Variants in NCOR1 observed in about 807,000 individuals in gnomAD.
NCOR1 encodes protein phosphatase 1, regulatory subunit 109.
A neutral mutation model predicts 288.1 loss-of-function variants in NCOR1; 63 were observed. That is an observed-to-expected ratio of 0.22 (90% CI 0.18 to 0.27). NCOR1 has a LOEUF of 0.27. NCOR1 is among the 10% of genes least tolerant of loss of function. The pLI, the probability that NCOR1 is intolerant of heterozygous loss-of-function variation, is 1.00. For synonymous variants in NCOR1, 1,007 were observed against 1,065.9 expected (o/e 0.94, Z 1.08); for missense variants, 2,397 against 3,019.2 (o/e 0.79, Z 4.83).
Position 16,086,337 on chromosome 17 carries a change from T to C in NCOR1, c.3122A>G (p.Lys1041Arg). 1 of 1,614,146 alleles carries C rather than the reference T, an allele frequency of 6.2e-7. No homozygotes were observed. Among genetic ancestry groups the C allele is most frequent in the Non-Finnish European group, 8.5e-7 (1 of 1,179,998 alleles). ...RPPPPLIPSS[K>R]TTVASEKPSF... ...TGGTTTTTCTGAAGCCACTGTGGTT[T>C]TGGATGACGGGATGAGAGGGGGCGG... The change falls in exon 23 of 46, where the codon AAA becomes AGA. Residue 1041 changes from lysine to arginine, a missense_variant. Around this residue, in one of 11 missense-constraint regions of NCOR1, gnomAD observed 1,872 missense variants for 2,187.8 expected, o/e 0.86. Transcript: ENST00000268712.
chr17:16,195,986 T>C (rs2089696826), intron 1 of NCOR1, among the ~76,000 whole-genome samples: 1 of 151,616 alleles, frequency 6.6e-6, no homozygotes, highest in Admixed American at 6.6e-5. Context: ...TAATTATATA[T>C]AAAACTCCCA....
At position 16,137,330 on chromosome 17, in the gene NCOR1, T is replaced by G; in HGVS notation, c.1490A>C (p.Lys497Thr). Residue 497 changes from lysine (K) to threonine (T), a missense_variant, in exon 14 of 46, where the codon AAA becomes ACA. Physicochemically the swap from Lys to Thr is moderately conservative, Grantham distance 78. Transcript: ENST00000268712. ...ACACACCTGGTTTCTGCCTCTGCGT[T>G]TCCCATAATTCCTTCTGACGAGGGC... ...YKALVRRNYG[K>T]RRGRNQQIAR... is the part of the protein sequence containing the mutation. 6.2e-7 allele frequency: 1 copy of G among 1,602,242 alleles called. No homozygotes were observed. Among genetic ancestry groups the G allele is most frequent in the African/African-American group, 1.3e-5 (1 of 74,646 alleles).
At chr17:16,046,910 T>C in intron 42 of NCOR1, 41 bp downstream of exon 42, 1 of 1,607,414 alleles carries the variant, frequency 6.2e-7, no homozygotes, top group Middle Eastern at 1.7e-4. Flanking sequence ...TCATTATTAA[T>C]GCATGTTTTA....
intron 5 of NCOR1, among the ~76,000 whole-genome samples, chr17:16,160,091 C>T (rs1167140836): frequency 6.6e-6 from 1 of 152,220 alleles, no homozygotes; most frequent in African/African-American, 2.4e-5. Context: ...CTTGGCCTCT[C>T]AAAGTGCCGG....
At chr17:16,079,025 C>T (rs185231319) in intron 26 of NCOR1, among the ~76,000 whole-genome samples, 2 of 152,232 alleles carry the variant, frequency 1.3e-5, no homozygotes, top group East Asian at 1.9e-4. Flanking sequence ...ATCTAGAGTG[C>T]GGACTGACAT....
At position 16,071,723 on chromosome 17, in the gene NCOR1, C is replaced by T. The variant is rs192618417; in HGVS notation, c.3896-58G>A. 2.0e-4 allele frequency: 295 copies of T among 1,479,750 alleles called. 1 individual carries two copies. The African/African-American group carries it at 2.3e-3, about 12-fold the overall frequency. The allele number at this position is 1,479,750 out of a possible 1,614,324, so 91.7% of individuals were successfully genotyped here. ...TGCTGATGGTTGCACAACAATGCCA[C>T]GGAACTGTGCACTTAAAAATGGTTA... On this transcript the variant is annotated intron_variant, in intron 29 of 45. Coordinates refer to ENST00000268712, the MANE Select transcript of NCOR1 (RefSeq NM_006311.4).
At chr17:16,150,461 T>C (rs1433312593) in intron 8 of NCOR1, among the ~76,000 whole-genome samples, 1 of 152,214 alleles carries the variant, frequency 6.6e-6, no homozygotes, top group African/African-American at 2.4e-5. Flanking sequence ...AGCATTACCA[T>C]ATACTCAGTT....
rs1056004169 is a variant in NCOR1 at position 16,167,538 on chromosome 17, A to T, written c.436-2377T>A. On this transcript the variant is annotated intron_variant, in intron 4 of 45. Transcript: ENST00000268712. ...AAAGATATAAAAGACATTAGTTTTT[A>T]AAAAAGAAAGATTGATGGATAAAAT... Among the ~76,000 whole-genome samples the T allele has an allele frequency of 6.6e-5, 10 of 152,202 alleles. No individual in the cohort carries two copies. The South Asian group carries it at 8.3e-4, about 13-fold the overall frequency.
chr17:16,203,766 G>A (rs1457485288), intron 1 of NCOR1, among the ~76,000 whole-genome samples: 3 of 152,076 alleles, frequency 2.0e-5, no homozygotes, highest in Non-Finnish European at 4.4e-5. Context: ...ACGAATATAC[G>A]AGACTTATCT....
In NCOR1 at chr17:16,080,473, G is replaced by A. The variant is rs2063223439; in HGVS notation, c.3335C>T (p.Pro1112Leu). 6.2e-7 allele frequency: 1 copy of A among 1,614,178 alleles called. No homozygotes were observed. The highest frequency in any genetic ancestry group is 8.5e-7 in the Non-Finnish European group (1 of 1,180,026). ...LPYIKQEEFS[P>L]RSQNSQPEGL... The stretch of plus-strand genomic sequence containing the variant: ...CTCAGGTTGTGAGTTTTGGCTTCGG[G>A]GAGAAAATTCTTCCTGCTTGATGTA... Residue 1112 changes from proline to leucine, a missense_variant, in exon 25 of 46, where the codon CCC becomes CTC. Pro to Leu is a moderately conservative substitution (Grantham distance 98). Transcript: ENST00000268712.
intron 22 of NCOR1, among the ~76,000 whole-genome samples, chr17:16,089,335 A>G (rs1166630989): frequency 6.6e-6 from 1 of 152,160 alleles, no homozygotes; most frequent in Non-Finnish European, 1.5e-5. Flanking sequence ...CTCTACCTCC[A>G]TATGCTTAAG....
chr17:16,185,881 G>C (rs143020876), intron 3 of NCOR1, among the ~76,000 whole-genome samples: 2,725 of 151,600 alleles, frequency 0.018, 86 homozygotes, highest in African/African-American at 0.062. Context: ...AGGCTGCAAT[G>C]AGCCATGATC....
At chr17:16,133,470 A>G (rs981097581) in intron 14 of NCOR1, among the ~76,000 whole-genome samples, 10 of 152,238 alleles carry the variant, frequency 6.6e-5, no homozygotes, top group Non-Finnish European at 1.3e-4. Context: ...GCTTGGTTAC[A>G]TAGCAGAGAA....
At chr17:16,104,391 G>C (rs2068198312) in intron 19 of NCOR1, among the ~76,000 whole-genome samples, 1 of 152,208 alleles carries the variant, frequency 6.6e-6, no homozygotes, top group South Asian at 2.1e-4. Flanking sequence ...GGAGCTGTCT[G>C]AGGTACCACG....
chr17:16,160,736 G>C lies in NCOR1; in HGVS notation c.619-1863C>G, dbSNP rs528745711. The stretch of plus-strand genomic sequence containing the variant: ...GAACCCAGGAGGTGGAGGTTGCAGT[G>C]AGCCAAGATCGCACCATTGCACTCC... On this transcript the variant is annotated intron_variant, in intron 5 of 45. Transcript: ENST00000268712. 9.2e-5 allele frequency among the ~76,000 whole-genome samples: 14 copies of C among 152,286 alleles called. No homozygotes were observed. The East Asian group carries it at 2.7e-3, about 29-fold the overall frequency.
chr17:16,135,295 C>A (rs1203991523), intron 14 of NCOR1, among the ~76,000 whole-genome samples: 1 of 151,770 alleles, frequency 6.6e-6, no homozygotes, highest in African/African-American at 2.4e-5. Flanking sequence ...AAAGCCCTGG[C>A]AATATTCTTC....
intron 14 of NCOR1, 67 bp from the exon 15 acceptor site, chr17:16,126,273 A>C: frequency 2.1e-6 from 3 of 1,410,922 alleles, no homozygotes; most frequent in Non-Finnish European, 2.8e-6. Context: ...TAGTGTGATA[A>C]ATTATGTCTA....
rs1567958202 is a variant in NCOR1, at chr17:16,092,674, TA to T, written c.2821-617del. 3.5e-3 allele frequency among the ~76,000 whole-genome samples: 65 copies of T among 18,458 alleles called. 4 individuals are homozygous for T. The highest frequency in any genetic ancestry group is 3.7e-3 in the Non-Finnish European group (40 of 10,708). 12.1% of individuals were successfully genotyped at this position (18,458 alleles called of 152,430 possible). A position where few individuals can be genotyped will look rare whatever the true frequency, so the allele number is the denominator to read the frequency against. On this transcript the variant is annotated intron_variant, in intron 21 of 45. Coordinates refer to ENST00000268712, the MANE Select transcript of NCOR1 (RefSeq NM_006311.4). ...ATATATATATATATATATATATATATATATATATATATATATATATATTTTT... is the reference window on the plus strand; with the variant it reads ...ATATATATATATATATATATATATATTATATATATATATATATATATTTTT...
At chr17:16,103,824 T>C (rs1274890329) in intron 19 of NCOR1, among the ~76,000 whole-genome samples, 5 of 152,244 alleles carry the variant, frequency 3.3e-5, no homozygotes, top group Non-Finnish European at 7.3e-5. Flanking sequence ...GAGACCATCC[T>C]GACCGACATA....
Sources: gnomAD v4.1 joint callset for allele counts (sites outside exome capture counted in the v4.1 genomes callset) on GRCh38, gnomAD v4.1.1 for gene constraint, gnomAD v4.1.1 regional missense constraint, MANE v1.5 for transcripts, NCBI Gene and HGNC (gene_info 2026-07-23, HGNC 2026-07-21) for gene names.